Variants in LYPLAL1 observed in about 807,000 individuals in gnomAD.
The protein encoded by LYPLAL1 is lysophospholipase-like protein 1.
A neutral mutation model predicts 19.7 loss-of-function variants in LYPLAL1; 23 were observed. The ratio of observed to expected loss-of-function variants is 1.17; its 90% CI spans 0.84 to 1.65. The LOEUF is 1.65. Ranked by LOEUF, LYPLAL1 falls within the 40% of genes most tolerant of loss-of-function variation. The probability of loss-of-function intolerance (pLI) is 0.00; values close to 1 mark genes in which losing one functional copy is unlikely to be tolerated. For synonymous variants in LYPLAL1, 119 were observed against 96.3 expected, an observed-to-expected ratio of 1.24 and a Z score of -1.38; for missense variants, 355 against 279.4, an observed-to-expected ratio of 1.27 and a Z score of -1.93.
the LYPLAL1 span, among the ~76,000 whole-genome samples, chr1:219,261,267 TTAAAATC>T: frequency 6.6e-6 from 1 of 152,152 alleles, no homozygotes; most frequent in East Asian, 1.9e-4. Flanking sequence ...GTGTCCAACT[TTAAAATC>T]TAAATCTCTC....
the LYPLAL1 span, among the ~76,000 whole-genome samples, chr1:219,427,587 A>G: frequency 2.6e-5 from 4 of 152,220 alleles, no homozygotes. Context: ...AAAGTATGAC[A>G]GTGACTCTGA....
the LYPLAL1 span, among the ~76,000 whole-genome samples, chr1:219,436,451 T>C: frequency 5.3e-5 from 8 of 152,192 alleles, no homozygotes; most frequent in Non-Finnish European, 1.0e-4. Flanking sequence ...TTGAACATTT[T>C]TGTGGCCCCT....
chr1:219,340,607 C>T, the LYPLAL1 span, among the ~76,000 whole-genome samples: 1 of 152,136 alleles, frequency 6.6e-6, no homozygotes, highest in East Asian at 1.9e-4. Context: ...CTGTTCTTCT[C>T]ACTTAATTTT....
the LYPLAL1 span, among the ~76,000 whole-genome samples, chr1:219,244,840 G>A: frequency 6.6e-6 from 1 of 151,248 alleles, no homozygotes; most frequent in East Asian, 1.9e-4. Context: ...CAAGCTACTT[G>A]GGAGGCTGAG....
chr1:219,435,463 C>T, the LYPLAL1 span: 1 of 152,152 alleles, frequency 6.6e-6, no homozygotes, highest in Admixed American at 6.5e-5. Context: ...TTGTTATTAG[C>T]CTGCACTTAA....
the LYPLAL1 span, among the ~76,000 whole-genome samples, chr1:219,431,236 T>C: frequency 2.0e-4 from 30 of 152,096 alleles, no homozygotes; most frequent in African/African-American, 7.2e-4. Context: ...AACTATCATA[T>C]GGGAAAGGAG....
chr1:219,242,815 A>G, the LYPLAL1 span, among the ~76,000 whole-genome samples: 1 of 152,158 alleles, frequency 6.6e-6, no homozygotes, highest in Non-Finnish European at 1.5e-5. Context: ...GGCAAATAAC[A>G]GTGGAAATTA....
intron 2 of LYPLAL1, among the ~76,000 whole-genome samples, chr1:219,185,389 A>G (rs1013919852): frequency 2.0e-5 from 3 of 151,314 alleles, no homozygotes; most frequent in Non-Finnish European, 3.0e-5. Context: ...TTTCATTTAT[A>G]TTTATTCTTA....
the LYPLAL1 span, among the ~76,000 whole-genome samples, chr1:219,355,567 A>C: frequency 6.6e-6 from 1 of 152,206 alleles, no homozygotes; most frequent in Non-Finnish European, 1.5e-5. Context: ...AGTAGACATC[A>C]GAGTAAGGAA....
At chr1:219,232,494 G>C in the LYPLAL1 span, among the ~76,000 whole-genome samples, 311 of 152,210 alleles carry the variant, frequency 2.0e-3, 2 homozygotes, top group East Asian at 0.049. Flanking sequence ...TCTTGGGTAT[G>C]ACAGCAAAAG....
the LYPLAL1 span, among the ~76,000 whole-genome samples, chr1:219,219,692 A>C: frequency 1.3e-5 from 2 of 152,194 alleles, no homozygotes; most frequent in Middle Eastern, 3.4e-3. Flanking sequence ...TCCTGGGGGT[A>C]TTGGTAGGTG....
chr1:219,274,063 T>C, the LYPLAL1 span, among the ~76,000 whole-genome samples: 1 of 152,292 alleles, frequency 6.6e-6, no homozygotes, highest in African/African-American at 2.4e-5. Flanking sequence ...CCTGGCCCTG[T>C]ATGTGTTTTA....
chr1:219,174,917 A>G, intron 1 of LYPLAL1: 1 of 985,442 alleles, frequency 1.0e-6, no homozygotes, highest in Non-Finnish European at 1.2e-6. Context: ...TTTCCTGCCA[A>G]GTGAATTGTA....
the LYPLAL1 span, among the ~76,000 whole-genome samples, chr1:219,403,120 A>G: frequency 6.6e-6 from 1 of 152,250 alleles, no homozygotes; most frequent in East Asian, 1.9e-4. Context: ...TCACCATCAT[A>G]GTAGTCAGAA....
rs375664243 is a variant in LYPLAL1, at chr1:219,173,935, G to C, written c.45G>C (p.Ser15=). The C allele has an allele frequency of 1.2e-5, 20 of 1,613,784 alleles. No homozygotes were observed. In the African/African-American group the frequency reaches 2.5e-4, roughly 20 times the overall value. ...CGGTTCTGCAGCGCTGTATCGTGTC[G>C]CCGGCAGGGAGGCATAGCGCCTCTC... ...SGSVLQRCIV[S]PAGRHSASLI... Residue 15 remains serine (S), a synonymous_variant, in exon 1 of 5, where the codon TCG becomes TCC. Transcript: ENST00000366928.
At chr1:219,200,054 C>T in intron 3 of LYPLAL1, 1 of 230,912 alleles carries the variant, frequency 4.3e-6, no homozygotes, top group Non-Finnish European at 9.2e-6. Context: ...TGAGCAGTTG[C>T]TTTGCATCCT....
At chr1:219,268,123 G>A in the LYPLAL1 span, among the ~76,000 whole-genome samples, 5 of 152,156 alleles carry the variant, frequency 3.3e-5, no homozygotes, top group Non-Finnish European at 7.3e-5. Context: ...TCCTGCCCTC[G>A]TGGAGCTTAT....
At chr1:219,194,249 TTAACTC>T (rs1289163732) in intron 3 of LYPLAL1, among the ~76,000 whole-genome samples, 56 of 151,922 alleles carry the variant, frequency 3.7e-4, no homozygotes, top group African/African-American at 1.3e-3. Flanking sequence ...ACGTTGATGT[TTAACTC>T]TAATAGAGAT....
the LYPLAL1 span, among the ~76,000 whole-genome samples, chr1:219,332,153 C>T: frequency 6.6e-6 from 1 of 152,256 alleles, no homozygotes; most frequent in Non-Finnish European, 1.5e-5. Context: ...TTGAAACCCA[C>T]CTACCATTCA....
Sources: gnomAD v4.1 joint callset for allele counts (sites outside exome capture counted in the v4.1 genomes callset) on GRCh38, gnomAD v4.1.1 for gene constraint, MANE v1.5 for transcripts, NCBI Gene and HGNC (gene_info 2026-07-23, HGNC 2026-07-21) for gene names.